FRS2: variants seen among roughly 807,000 people sequenced by gnomAD.
FRS2 encodes the protein fibroblast growth factor receptor substrate 2.
A neutral mutation model predicts 43.9 loss-of-function variants in FRS2; 8 were observed. The observed-to-expected ratio is 0.18, with a 90% CI of 0.11 to 0.33. FRS2 has a LOEUF of 0.33. Among genes scored for constraint, FRS2 ranks in the 10% least tolerant of loss-of-function variants. The probability of loss-of-function intolerance (pLI) is 1.00; values close to 1 mark genes in which losing one functional copy is unlikely to be tolerated. For synonymous variants in FRS2, 219 were observed against 220.3 expected (o/e 0.99, Z 0.05); for missense variants, 534 against 627.6 (o/e 0.85, Z 1.59).
intron 4 of FRS2, among the ~76,000 whole-genome samples, chr12:69,565,110 AGCCT>A (rs1864281477): frequency 5.9e-5 from 9 of 152,242 alleles, no homozygotes; most frequent in Admixed American, 5.9e-4. Flanking sequence ...TATATGGTAT[AGCCT>A]ATAGCTCCTA....
intron 1 of FRS2, chr12:69,486,256 C>G (rs1179444777): frequency 2.0e-5 from 3 of 151,132 alleles, no homozygotes; most frequent in African/African-American, 7.3e-5. Flanking sequence ...GCCATTTTTC[C>G]AGCCAGCGTG....
chr12:69,484,224 AC>A (rs1871623093), intron 1 of FRS2, among the ~76,000 whole-genome samples: 1 of 151,876 alleles, frequency 6.6e-6, no homozygotes, highest in Non-Finnish European at 1.5e-5. Context: ...AGCTGGGACT[AC>A]AGGCGCCCAC....
At chr12:69,508,506 T>C (rs1231915191) in intron 1 of FRS2, among the ~76,000 whole-genome samples, 1 of 152,192 alleles carries the variant, frequency 6.6e-6, no homozygotes, top group Non-Finnish European at 1.5e-5. Context: ...TTAATAATGA[T>C]AGTTGGAAAA....
intron 1 of FRS2, among the ~76,000 whole-genome samples, chr12:69,503,329 C>A (rs536988849): frequency 1.3e-5 from 2 of 152,084 alleles, no homozygotes; most frequent in Non-Finnish European, 2.9e-5. Flanking sequence ...TCTAGACCCA[C>A]GTTTGAAGGA....
intron 1 of FRS2, among the ~76,000 whole-genome samples, chr12:69,505,496 C>G (rs918111048): frequency 2.6e-5 from 4 of 152,082 alleles, no homozygotes; most frequent in Non-Finnish European, 5.9e-5. Flanking sequence ...TAATGTGTTC[C>G]ACAAGTTTTG....
chr12:69,509,965 C>G (rs1874306352), intron 1 of FRS2, among the ~76,000 whole-genome samples: 1 of 152,070 alleles, frequency 6.6e-6, no homozygotes, highest in Non-Finnish European at 1.5e-5. Flanking sequence ...GTATGCCAAA[C>G]AAAGGCAATT....
intron 8 of FRS2, among the ~76,000 whole-genome samples, chr12:69,573,118 C>T (rs1396841631): frequency 6.6e-6 from 1 of 152,238 alleles, no homozygotes; most frequent in African/African-American, 2.4e-5. Context: ...CAGGCGTGAG[C>T]CACTGTGCCC....
intron 3 of FRS2, among the ~76,000 whole-genome samples, chr12:69,550,650 A>T (rs903913254): frequency 1.3e-5 from 2 of 152,220 alleles, no homozygotes; most frequent in East Asian, 3.8e-4. Flanking sequence ...TAGTGTTTAA[A>T]GTACATTTAG....
At chr12:69,572,308 A>G in intron 8 of FRS2, 27 bp downstream of exon 8, 1 of 1,575,840 alleles carries the variant, frequency 6.3e-7, no homozygotes, top group Non-Finnish European at 8.7e-7. Context: ...GTGTAACAGC[A>G]ATAATGATTG....
chr12:69,507,639 C>G (rs1234867575), intron 1 of FRS2, among the ~76,000 whole-genome samples: 2 of 152,062 alleles, frequency 1.3e-5, no homozygotes, highest in African/African-American at 4.8e-5. Context: ...AAGCATTTTC[C>G]TTTTCTGGAT....
chr12:69,471,670 T>C (rs966279136), intron 1 of FRS2, among the ~76,000 whole-genome samples: 3 of 152,268 alleles, frequency 2.0e-5, no homozygotes, highest in Non-Finnish European at 4.4e-5. Context: ...GTAGGAAATA[T>C]GGGTTTTCCA....
intron 3 of FRS2, among the ~76,000 whole-genome samples, chr12:69,559,319 T>C (rs150513196): frequency 6.6e-6 from 1 of 152,226 alleles, no homozygotes; most frequent in Non-Finnish European, 1.5e-5. Flanking sequence ...TGATTAGATA[T>C]AATTGCCAGA....
intron 1 of FRS2, among the ~76,000 whole-genome samples, chr12:69,503,415 TC>T (rs1256248875): frequency 6.6e-6 from 1 of 152,094 alleles, no homozygotes; most frequent in Non-Finnish European, 1.5e-5. Context: ...GAAAGTAAAA[TC>T]CCATCATATT....
At chr12:69,542,666 T>C (rs1878022342) in intron 3 of FRS2, among the ~76,000 whole-genome samples, 1 of 152,236 alleles carries the variant, frequency 6.6e-6, no homozygotes, top group South Asian at 2.1e-4. Context: ...CTATTTTCGC[T>C]GAAATAACTC....
chr12:69,507,592 T>C (rs1874060009), intron 1 of FRS2, among the ~76,000 whole-genome samples: 1 of 152,212 alleles, frequency 6.6e-6, no homozygotes, highest in Non-Finnish European at 1.5e-5. Flanking sequence ...TAGACTGTGA[T>C]GTAGTTTTAA....
chr12:69,478,724 A>ATGTGTGTGTG lies in FRS2; in HGVS notation c.-261+8224_-261+8233dup, dbSNP rs59945124. Among the ~76,000 whole-genome samples, 458 of 146,312 alleles carry ATGTGTGTGTG rather than the reference A, an allele frequency of 3.1e-3. 5 individuals carry two copies. The highest frequency in any genetic ancestry group is 0.011 in the African/African-American group (435 of 39,388). Reference sequence around the variant, plus strand: ...TATTCTTACAAAGACATACATCATTATGTGTGTGTGTGTGTGTGTGTGTGT... The same window carrying ATGTGTGTGTG: ...TATTCTTACAAAGACATACATCATTATGTGTGTGTGTGTGTGTGTGTGTGTGTGTGTGTGT... On this transcript the variant is annotated intron_variant, in intron 1 of 8. Coordinates refer to ENST00000549921, the MANE Select transcript of FRS2 (RefSeq NM_001278356.2).
At chr12:69,569,871 A>G (rs1212123051) in intron 5 of FRS2, among the ~76,000 whole-genome samples, 4 of 152,156 alleles carry the variant, frequency 2.6e-5, no homozygotes, top group Non-Finnish European at 5.9e-5. Flanking sequence ...GTGCCAATCT[A>G]TTTTGGTGTC....
chr12:69,540,107 G>T (rs1036177760), intron 3 of FRS2, among the ~76,000 whole-genome samples: 1 of 151,612 alleles, frequency 6.6e-6, no homozygotes, highest in East Asian at 1.9e-4. Flanking sequence ...CAAAAAATTA[G>T]CTGGGTGTGG....
chr12:69,498,894 T>C (rs975859206), intron 1 of FRS2, among the ~76,000 whole-genome samples: 2 of 152,240 alleles, frequency 1.3e-5, no homozygotes, highest in Non-Finnish European at 2.9e-5. Flanking sequence ...ATTGAGCTTC[T>C]ATTATGTACC....
Sources: allele counts gnomAD v4.1 joint callset (sites outside exome capture counted in the v4.1 genomes callset), GRCh38; gene constraint gnomAD v4.1.1; transcripts MANE v1.5; gene names NCBI Gene and HGNC (gene_info 2026-07-23, HGNC 2026-07-21).